The following ZC2HC1B variants were observed in gnomAD, a reference collection of about 807,000 sequenced individuals.
ZC2HC1B encodes zinc finger C2HC-type containing 1B.
ZC2HC1B carries 36 observed loss-of-function variants against 31.0 expected under a neutral mutation model. That is an observed-to-expected ratio of 1.16 (90% CI 0.89 to 1.54). The LOEUF is 1.54. Ranked by LOEUF, ZC2HC1B falls within the 40% of genes most tolerant of loss-of-function variation. The pLI, the probability that ZC2HC1B is intolerant of heterozygous loss-of-function variation, is 0.00. For missense variants in ZC2HC1B, 260 were observed against 268.6 expected (o/e 0.97, Z 0.22); for synonymous variants, 73 against 88.0 (o/e 0.83, Z 0.95).
At chr6:143,892,139 T>A (rs1777608903) in intron 4 of ZC2HC1B, among the ~76,000 whole-genome samples, 1 of 152,128 alleles carries the variant, frequency 6.6e-6, no homozygotes, top group South Asian at 2.1e-4. Context: ...GGCTCACAGT[T>A]CTGCAGGTTG....
chr6:143,895,741 T>C lies in ZC2HC1B; in HGVS notation c.350-2811T>C, dbSNP rs12527740. On this transcript the variant is annotated intron_variant, in intron 4 of 7. Coordinates refer to ENST00000237275, the MANE Select transcript of ZC2HC1B (RefSeq NM_001013623.3). The surrounding 1 kb of genome is among the most constrained non-coding windows in gnomAD (Gnocchi z 4.8). The stretch of plus-strand genomic sequence containing the variant: ...TGGGACATTCAGTTACCATTTTGCA[T>C]AGCTACATAGACACGGATACACAGC... Among the ~76,000 whole-genome samples the C allele has an allele frequency of 0.028, 4,241 of 152,302 alleles. 111 individuals are homozygous for C. Among genetic ancestry groups the C allele is most frequent in the Admixed American group, 0.075 (1,151 of 15,300 alleles).
Position 143,899,616 on chromosome 6 carries a change from A to G in ZC2HC1B, c.489+925A>G, listed in dbSNP as rs902932817. Among the ~76,000 whole-genome samples, 2 of 152,160 alleles carry G rather than the reference A, an allele frequency of 1.3e-5. No homozygotes were observed. Among genetic ancestry groups the G allele is most frequent in the Non-Finnish European group, 2.9e-5 (2 of 68,040 alleles). ...GGTCTCAAACTCCTGGGCCCAAGCA[A>G]TCTGCCCTCTTCAGCCTCCCAAAGT... On this transcript the variant is annotated intron_variant, in intron 5 of 7. Coordinates refer to ENST00000237275, the MANE Select transcript of ZC2HC1B (RefSeq NM_001013623.3). This position sits in a 1 kb window ranked among gnomAD's most constrained non-coding sequence, Gnocchi z 5.0.
At position 143,865,727 on chromosome 6, in the gene ZC2HC1B, A is replaced by G. The variant is rs1777250824; in HGVS notation, c.28+1160A>G. 6.6e-6 allele frequency among the ~76,000 whole-genome samples: 1 copy of G among 152,228 alleles called. No individual in the cohort carries two copies. Among genetic ancestry groups the G allele is most frequent in the Non-Finnish European group, 1.5e-5 (1 of 68,042 alleles). On this transcript the variant is annotated intron_variant, in intron 1 of 7. Transcript: ENST00000237275. This position sits in a 1 kb window ranked among gnomAD's most constrained non-coding sequence, Gnocchi z 4.4. ...TCAGAAAAGAATTAAACATAGAACC[A>G]TAGCAGGGCCTAGAATCACTGGGGT...
In ZC2HC1B at chr6:143,915,513, T is replaced by C. The variant is rs1777906899; in HGVS notation, c.598+12361T>C. 6.6e-6 allele frequency among the ~76,000 whole-genome samples: 1 copy of C among 152,070 alleles called. No individual in the cohort carries two copies. On this transcript the variant is annotated intron_variant, in intron 6 of 7. Transcript: ENST00000237275. The surrounding 1 kb of genome is among the most constrained non-coding windows in gnomAD (Gnocchi z 5.2). ...TTTGGAACAGGGTAACAGGCAGAGG[T>C]TGGAACAGTTTGGAGGCCTCAGAAA...
At position 143,884,278 on chromosome 6, in the gene ZC2HC1B, A is replaced by G. The variant is rs199975738; in HGVS notation, c.29-26A>G. On this transcript the variant is annotated intron_variant, in intron 1 of 7. Transcript: ENST00000237275. The surrounding 1 kb of genome is among the most constrained non-coding windows in gnomAD (Gnocchi z 5.1). ...AGCGAGGAAATTCCATGAAACTAAC[A>G]TAATGTGCTCTTGAATTTTACACAG... 6.6e-7 allele frequency: 1 copy of G among 1,518,058 alleles called. No individual in the cohort carries two copies. The allele number at this position is 1,518,058 out of a possible 1,614,324, so 94.0% of individuals were successfully genotyped here.
At chr6:143,919,243 G>C (rs909170134) in intron 6 of ZC2HC1B, among the ~76,000 whole-genome samples, 5 of 148,530 alleles carry the variant, frequency 3.4e-5, no homozygotes, top group Non-Finnish European at 7.6e-5. Context: ...GTGTGTGTGT[G>C]TGTGTGTGTG....
intron 6 of ZC2HC1B, among the ~76,000 whole-genome samples, chr6:143,909,298 G>A (rs1777832641): frequency 6.6e-6 from 1 of 152,118 alleles, no homozygotes; most frequent in African/African-American, 2.4e-5. Flanking sequence ...TCAGGAGGCT[G>A]AGGCATGAGA....
chr6:143,896,765 A>G (rs115576129), intron 4 of ZC2HC1B, among the ~76,000 whole-genome samples: 2,179 of 152,280 alleles, frequency 0.014, 67 homozygotes, highest in African/African-American at 0.05. Context: ...ACACATAGCA[A>G]GTAAAGAACT....
At chr6:143,935,646 CTTTTTTTTTTTTTTTT>C (rs759896830) in intron 6 of ZC2HC1B, among the ~76,000 whole-genome samples, 9 of 55,850 alleles carry the variant, frequency 1.6e-4, no homozygotes, top group Non-Finnish European at 3.1e-4. Context: ...TGGTATCACT[CTTTTTTTTTTTTTTTT>C]TTTTTTTTTT....
intron 4 of ZC2HC1B, among the ~76,000 whole-genome samples, chr6:143,889,311 G>A (rs1777569332): frequency 6.6e-6 from 1 of 151,964 alleles, no homozygotes; most frequent in South Asian, 2.1e-4. Flanking sequence ...AGCAAGGTGG[G>A]ATAAAGACAG....
intron 1 of ZC2HC1B, among the ~76,000 whole-genome samples, chr6:143,881,064 A>G (rs1222898748): frequency 1.3e-5 from 2 of 152,188 alleles, no homozygotes; most frequent in Non-Finnish European, 1.5e-5. Flanking sequence ...CTAACCCCAT[A>G]GAATCACAAC....
chr6:143,893,160 G>T (rs1001970150), intron 4 of ZC2HC1B, among the ~76,000 whole-genome samples: 4 of 152,104 alleles, frequency 2.6e-5, no homozygotes, highest in African/African-American at 9.7e-5. Flanking sequence ...TATTTGAACA[G>T]ACACATCACA....
In ZC2HC1B at chr6:143,864,578, C is replaced by T. The variant is rs1777233542; in HGVS notation, c.28+11C>T. The T allele has an allele frequency of 6.4e-7, 1 of 1,551,506 alleles. No individual in the cohort carries two copies. Among genetic ancestry groups the T allele is most frequent in the Non-Finnish European group, 8.7e-7 (1 of 1,146,900 alleles). ...AACCATTTTTGGCAGGTGAGCTGCA[C>T]TTGATATCTAAATTATTAGAAAATG... On this transcript the variant is annotated intron_variant, in intron 1 of 7. Transcript: ENST00000237275.
At position 143,895,397 on chromosome 6, in the gene ZC2HC1B, AGG is replaced by A. The variant is rs1777654113; in HGVS notation, c.350-3154_350-3153del. ...AGGCTGATCTTGAACTCCTGACCTC[AGG>A]TAATGCACATGCCTCGGCCTCCCAA... On this transcript the variant is annotated intron_variant, in intron 4 of 7. Coordinates refer to ENST00000237275, the MANE Select transcript of ZC2HC1B (RefSeq NM_001013623.3). The surrounding 1 kb of genome is among the most constrained non-coding windows in gnomAD (Gnocchi z 4.8). 6.6e-6 allele frequency among the ~76,000 whole-genome samples: 1 copy of A among 152,154 alleles called. No individual in the cohort carries two copies. Among genetic ancestry groups the A allele is most frequent in the Non-Finnish European group, 1.5e-5 (1 of 68,032 alleles).
In ZC2HC1B at chr6:143,923,189, G is replaced by A. The variant is rs375927873; in HGVS notation, c.599-14460G>A. ...TTCCCTGTAACCAGGGGTGAGAGAG[G>A]TATGTCTTCTTTTGAGAAATGCCTA... is the stretch of plus-strand genomic sequence containing the variant. On this transcript the variant is annotated intron_variant, in intron 6 of 7. Transcript: ENST00000237275. This position sits in a 1 kb window ranked among gnomAD's most constrained non-coding sequence, Gnocchi z 4.8. Among the ~76,000 whole-genome samples, 1 of 151,642 alleles carries A rather than the reference G, an allele frequency of 6.6e-6. No homozygotes were observed. Among genetic ancestry groups the A allele is most frequent in the Non-Finnish European group, 1.5e-5 (1 of 67,878 alleles).
intron 1 of ZC2HC1B, among the ~76,000 whole-genome samples, chr6:143,881,322 G>A (rs1288115286): frequency 6.6e-6 from 1 of 151,990 alleles, no homozygotes; most frequent in Non-Finnish European, 1.5e-5. Context: ...AGGCCAAGGT[G>A]GGAGGACTGC....
At chr6:143,919,116 G>A (rs891058304) in intron 6 of ZC2HC1B, among the ~76,000 whole-genome samples, 2 of 150,956 alleles carry the variant, frequency 1.3e-5, no homozygotes, top group Non-Finnish European at 3.0e-5. Flanking sequence ...CTTTTTCTTT[G>A]TCTGGCTTGT....
chr6:143,921,941 AAAAAAT>A lies in ZC2HC1B; in HGVS notation c.599-15698_599-15693del, dbSNP rs1777989584. 6.6e-6 allele frequency among the ~76,000 whole-genome samples: 1 copy of A among 151,724 alleles called. No homozygotes were observed. Among genetic ancestry groups the A allele is most frequent in the African/African-American group, 2.4e-5 (1 of 40,962 alleles). ...GACAAAGTAAGTCCTTTTCTCTTAA[AAAAAAT>A]AAAAATAAAGTTGCTAGGGTTAATG... is the stretch of plus-strand genomic sequence containing the variant. On this transcript the variant is annotated intron_variant, in intron 6 of 7. Transcript: ENST00000237275. This position sits in a 1 kb window ranked among gnomAD's most constrained non-coding sequence, Gnocchi z 6.1.
chr6:143,900,536 A>C (rs1430574873), intron 5 of ZC2HC1B, among the ~76,000 whole-genome samples: 3 of 152,156 alleles, frequency 2.0e-5, no homozygotes, highest in African/African-American at 7.2e-5. Flanking sequence ...ATGCCCTAAA[A>C]TCAAGGACTG....
Sources: allele counts gnomAD v4.1 joint callset (sites outside exome capture counted in the v4.1 genomes callset), GRCh38; gene constraint gnomAD v4.1.1; non-coding constraint Gnocchi (gnomAD v3.1); transcripts MANE v1.5; gene names NCBI Gene and HGNC (gene_info 2026-07-23, HGNC 2026-07-21).